The following LRRIQ4 variants were observed in gnomAD, a reference collection of about 807,000 sequenced individuals.
LRRIQ4 encodes the protein leucine rich repeats and IQ motif containing 4.
Under a neutral mutation model 40.1 loss-of-function variants are expected in LRRIQ4, and 21 were observed. That is an observed-to-expected ratio of 0.52 (90% CI 0.37 to 0.75). LRRIQ4 has a LOEUF of 0.75. Among genes scored for constraint, LRRIQ4 ranks in the 30% least tolerant of loss-of-function variants. The pLI, the probability that LRRIQ4 is intolerant of heterozygous loss-of-function variation, is 0.00. For missense variants in LRRIQ4, 655 were observed against 660.0 expected (o/e 0.99, Z 0.08); for synonymous variants, 277 against 277.1 (o/e 1.00, Z 0.00).
intron 2 of LRRIQ4, among the ~76,000 whole-genome samples, chr3:169,824,681 T>C (rs908904609): frequency 6.6e-6 from 1 of 151,782 alleles, no homozygotes; most frequent in African/African-American, 2.4e-5. Context: ...CCCGGCTAAT[T>C]TTTGTATTTT....
rs762012379 is a variant in LRRIQ4 at position 169,822,780 on chromosome 3, C to A, written c.859C>A (p.Leu287Met). The change falls in exon 2 of 6, where the codon CTG becomes ATG. Residue 287 changes from leucine to methionine, a missense_variant. Physicochemically the swap from Leu to Met is conservative, Grantham distance 15. Coordinates refer to ENST00000340806, the MANE Select transcript of LRRIQ4 (RefSeq NM_001080460.3). ...GTGGACCTCGCTGCACCTGCTCTACCTGGGAAACACCGGCCTGCACAGGCT... is the reference window on the plus strand; with the variant it reads ...GTGGACCTCGCTGCACCTGCTCTACATGGGAAACACCGGCCTGCACAGGCT... ...CRWTSLHLLY[L>M]GNTGLHRLRG... 6.2e-7 allele frequency: 1 copy of A among 1,613,704 alleles called. No individual in the cohort carries two copies. Among genetic ancestry groups the A allele is most frequent in the Non-Finnish European group, 8.5e-7 (1 of 1,179,736 alleles).
intron 2 of LRRIQ4, among the ~76,000 whole-genome samples, chr3:169,828,458 T>A (rs1780089275): frequency 6.6e-6 from 1 of 152,250 alleles, no homozygotes; most frequent in Non-Finnish European, 1.5e-5. Context: ...GGTCTTGAAC[T>A]CCTGACCTCA....
intron 2 of LRRIQ4, among the ~76,000 whole-genome samples, chr3:169,825,706 A>C (rs143935757): frequency 1.8e-4 from 27 of 152,364 alleles, no homozygotes; most frequent in African/African-American, 6.5e-4. Context: ...TTGTTAACAA[A>C]AATAAGCTTC....
intron 4 of LRRIQ4, 64 bp downstream of exon 4, chr3:169,830,694 G>A (rs1780148210): frequency 1.3e-6 from 2 of 1,588,874 alleles, no homozygotes; most frequent in African/African-American, 2.7e-5. Context: ...TATGGCAAAT[G>A]GCTTCCTTGC....
chr3:169,831,568 C>T (rs1256704381), intron 4 of LRRIQ4, among the ~76,000 whole-genome samples: 2 of 140,706 alleles, frequency 1.4e-5, no homozygotes, highest in Non-Finnish European at 1.5e-5. Flanking sequence ...TCCCAAAGTG[C>T]TGGAATTACA....
At chr3:169,827,633 GA>G (rs1294828528) in intron 2 of LRRIQ4, among the ~76,000 whole-genome samples, 1 of 141,128 alleles carries the variant, frequency 7.1e-6, no homozygotes, top group African/African-American at 2.7e-5. Flanking sequence ...AAAAAAAAGA[GA>G]TTTTTTTCCC....
intron 1 of LRRIQ4, among the ~76,000 whole-genome samples, chr3:169,816,685 T>C (rs576629838): frequency 6.6e-6 from 1 of 151,600 alleles, no homozygotes; most frequent in Admixed American, 6.6e-5. Flanking sequence ...TTTTTTTTTT[T>C]TTTTTGACAG....
intron 5 of LRRIQ4, 106 bp downstream of exon 5, chr3:169,833,289 T>C: frequency 3.3e-6 from 3 of 920,614 alleles, no homozygotes; most frequent in South Asian, 4.4e-5. Flanking sequence ...TTGTCCTGCT[T>C]CTGAAAAGAG....
At chr3:169,819,043 C>A (rs894003982) in intron 1 of LRRIQ4, among the ~76,000 whole-genome samples, 1 of 152,282 alleles carries the variant, frequency 6.6e-6, no homozygotes, top group African/African-American at 2.4e-5. Flanking sequence ...CTATCCAAAT[C>A]TTGGCTCCTT....
At chr3:169,832,713 T>C (rs1780209453) in intron 4 of LRRIQ4, among the ~76,000 whole-genome samples, 1 of 151,676 alleles carries the variant, frequency 6.6e-6, no homozygotes, top group African/African-American at 2.4e-5. Flanking sequence ...CCCAGTGGGC[T>C]GTCAGTTTCA....
chr3:169,821,572 G>T (rs941091338), intron 1 of LRRIQ4, among the ~76,000 whole-genome samples: 2 of 151,188 alleles, frequency 1.3e-5, no homozygotes, highest in East Asian at 3.9e-4. Flanking sequence ...CCCAGGAGGC[G>T]GAGGTTGTAG....
intron 3 of LRRIQ4, among the ~76,000 whole-genome samples, chr3:169,829,622 C>T (rs751094714): frequency 6.6e-6 from 1 of 152,130 alleles, no homozygotes; most frequent in Non-Finnish European, 1.5e-5. Context: ...CTGCCTCAGC[C>T]TCCCAAATAG....
intron 1 of LRRIQ4, among the ~76,000 whole-genome samples, chr3:169,816,423 C>T (rs1779771023): frequency 1.3e-5 from 2 of 152,006 alleles, no homozygotes; most frequent in Non-Finnish European, 2.9e-5. Context: ...TCCATTTCTT[C>T]TAGGTTTCCC....
At chr3:169,829,287 G>A (rs191711344) in intron 3 of LRRIQ4, among the ~76,000 whole-genome samples, 9 of 152,146 alleles carry the variant, frequency 5.9e-5, no homozygotes, top group Admixed American at 5.9e-4. Context: ...TCATACAAGT[G>A]ACATGCTGGG....
At chr3:169,835,364 CTGTG>C (rs149888477) in intron 5 of LRRIQ4, among the ~76,000 whole-genome samples, 105 of 146,496 alleles carry the variant, frequency 7.2e-4, no homozygotes, top group Middle Eastern at 7.0e-3. Flanking sequence ...TTGTCTTTTT[CTGTG>C]TGTGTGTGTG....
intron 1 of LRRIQ4, among the ~76,000 whole-genome samples, chr3:169,817,893 A>G (rs1377842872): frequency 6.6e-6 from 1 of 152,074 alleles, no homozygotes; most frequent in Non-Finnish European, 1.5e-5. Context: ...TCCATTTAGC[A>G]CCTCAAGAGC....
intron 1 of LRRIQ4, among the ~76,000 whole-genome samples, chr3:169,815,465 C>T (rs959477930): frequency 6.6e-6 from 1 of 152,122 alleles, no homozygotes; most frequent in Non-Finnish European, 1.5e-5. Context: ...AAAAATGCTA[C>T]TGAGTTTTAT....
At position 169,822,925 on chromosome 3, in the gene LRRIQ4, A is replaced by G. The variant is rs201304541; in HGVS notation, c.1004A>G (p.Asp335Gly). 133 of 1,538,644 alleles carry G rather than the reference A, an allele frequency of 8.6e-5. 1 individual carries two copies. In the African/African-American group the frequency reaches 1.7e-3, roughly 20 times the overall value. Residue 335 changes from aspartate to glycine, a missense_variant, in exon 2 of 6, where the codon GAC becomes GGC. Coordinates refer to ENST00000340806, the MANE Select transcript of LRRIQ4 (RefSeq NM_001080460.3). ...AACCTTGAAGTCCTGGGACTGGATG[A>G]CAATAAAATAGGACAGGTACGGATT... Reference protein sequence around the residue: ...LKNLEVLGLDDNKIGQLPSEL... With the variant: ...LKNLEVLGLDGNKIGQLPSEL...
chr3:169,817,153 C>G (rs1284715971), intron 1 of LRRIQ4, among the ~76,000 whole-genome samples: 1 of 152,084 alleles, frequency 6.6e-6, no homozygotes, highest in Non-Finnish European at 1.5e-5. Context: ...TAATTTGTTT[C>G]AATAAATTTT....
Sources: gnomAD v4.1 joint callset for allele counts (sites outside exome capture counted in the v4.1 genomes callset) on GRCh38, gnomAD v4.1.1 for gene constraint, MANE v1.5 for transcripts, NCBI Gene and HGNC (gene_info 2026-07-23, HGNC 2026-07-21) for gene names.